The following MTCL1 variants were observed in gnomAD, a reference collection of about 807,000 sequenced individuals.
MTCL1 encodes the protein microtubule cross-linking factor 1.
MTCL1 carries 79 observed loss-of-function variants against 141.4 expected under a neutral mutation model. The observed-to-expected ratio is 0.56, with a 90% CI of 0.47 to 0.67. The LOEUF (loss-of-function observed/expected upper bound fraction) is 0.67. Ranked by LOEUF, MTCL1 falls within the 30% of genes least tolerant of loss-of-function variation. The pLI is 0.00. For missense variants in MTCL1, 2,177 were observed against 2,113.9 expected (o/e 1.03, Z -0.59); for synonymous variants, 914 against 875.8 (o/e 1.04, Z -0.77).
Position 8,705,760 on chromosome 18 carries a change from G to T in MTCL1, c.100G>T (p.Glu34Ter). The change falls in exon 1 of 14, where the codon GAA (glutamate) becomes TAA (stop). Residue 34 changes from glutamate (E) to a stop codon, truncating the protein, a stop_gained. Transcript: ENST00000306329. LOFTEE classifies it high-confidence loss of function. This position sits in a 1 kb window ranked among gnomAD's most constrained non-coding sequence, Gnocchi z 5.2. The stretch of plus-strand genomic sequence containing the variant: ...CCACCACCACCTCCACCCGGTGGCC[G>T]AAAGGCGGCGGCTGCACCGTGCGCC... 8.3e-7 allele frequency: 1 copy of T among 1,202,128 alleles called. No individual in the cohort carries two copies. Among genetic ancestry groups the T allele is most frequent in the Non-Finnish European group, 1.0e-6 (1 of 968,392 alleles). The allele number at this position is 1,202,128 out of a possible 1,614,324, so 74.5% of individuals were successfully genotyped here. A position where few individuals can be genotyped will look rare whatever the true frequency, so the allele number is the denominator to read the frequency against.
chr18:8,761,726 CAAGAG>C (rs573911895), intron 4 of MTCL1, among the ~76,000 whole-genome samples: 149 of 152,292 alleles, frequency 9.8e-4, no homozygotes, highest in African/African-American at 3.3e-3. Flanking sequence ...TGGCGGCAGA[CAAGAG>C]AAGAGAGCTT....
chr18:8,719,781 G>A (rs548269376), intron 3 of MTCL1, among the ~76,000 whole-genome samples: 72 of 152,160 alleles, frequency 4.7e-4, no homozygotes, highest in African/African-American at 1.7e-3. Flanking sequence ...TGTTTCCCAG[G>A]CTGGTCTCAA....
chr18:8,796,551 C>A, intron 9 of MTCL1, 89 bp downstream of exon 8: 1 of 1,245,190 alleles, frequency 8.0e-7, no homozygotes, highest in South Asian at 1.4e-5. Context: ...TACACACAGT[C>A]ATGTTCTATT....
At chr18:8,726,488 A>C (rs2096213370) in intron 4 of MTCL1, among the ~76,000 whole-genome samples, 2 of 113,994 alleles carry the variant, frequency 1.8e-5, no homozygotes, top group South Asian at 2.6e-4. Flanking sequence ...AGAGAGAGAG[A>C]GAGAGAGCGC....
At chr18:8,785,854 C>T (rs768614450) in intron 6 of MTCL1, 82 bp from the exon 6 acceptor site, 3 of 1,499,406 alleles carry the variant, frequency 2.0e-6, no homozygotes, top group South Asian at 1.4e-5. Context: ...TCCCTGCCTC[C>T]ACCCTTGTCC....
At chr18:8,776,254 C>G (rs1013301100) in intron 4 of MTCL1, among the ~76,000 whole-genome samples, 3 of 152,344 alleles carry the variant, frequency 2.0e-5, no homozygotes, top group African/African-American at 7.2e-5. Flanking sequence ...CGGCAGAGCT[C>G]TGCTTCCCCA....
At chr18:8,786,639 C>A in intron 7 of MTCL1, 2 of 306,960 alleles carry the variant, frequency 6.5e-6, no homozygotes, top group South Asian at 6.1e-5. Context: ...AGGCTTCAGC[C>A]ACCACAGAGA....
At chr18:8,742,659 G>C (rs2096311168) in intron 4 of MTCL1, among the ~76,000 whole-genome samples, 1 of 152,196 alleles carries the variant, frequency 6.6e-6, no homozygotes, top group Non-Finnish European at 1.5e-5. Flanking sequence ...TGAGGTTTGG[G>C]TGGGGACACA....
rs552538403 is a variant in MTCL1, at chr18:8,783,395, A to C, written c.418-135A>C. On this transcript the variant is annotated intron_variant, in intron 5 of 16. Coordinates refer to ENST00000359865, the Ensembl canonical transcript of MTCL1. ...TTTGTCTTGGCTGTTTCTCTATGTA[A>C]CTCAGCGGCACCGATGGGAAGATCG... The C allele has an allele frequency of 3.5e-6, 3 of 850,092 alleles. No homozygotes were observed. In the Admixed American group the frequency reaches 8.6e-5, roughly 24 times the overall value. 52.7% of individuals were successfully genotyped at this position (850,092 alleles called of 1,614,324 possible). A position where few individuals can be genotyped will look rare whatever the true frequency, so the allele number is the denominator to read the frequency against.
chr18:8,769,280 G>A (rs2096474512), intron 4 of MTCL1, among the ~76,000 whole-genome samples: 1 of 152,194 alleles, frequency 6.6e-6, no homozygotes, highest in South Asian at 2.1e-4. Flanking sequence ...CAGCATGGAT[G>A]TGCACAGAGT....
intron 4 of MTCL1, among the ~76,000 whole-genome samples, chr18:8,756,218 C>A (rs920183041): frequency 6.6e-6 from 1 of 152,116 alleles, no homozygotes; most frequent in Non-Finnish European, 1.5e-5. Flanking sequence ...TTCTGGAGGT[C>A]GTCAGACCAT....
Position 8,739,661 on chromosome 18 carries a change from G to C in MTCL1, c.357+19165G>C, listed in dbSNP as rs549854549. 2.6e-5 allele frequency among the ~76,000 whole-genome samples: 4 copies of C among 152,280 alleles called. No homozygotes were observed. In the South Asian group the frequency reaches 6.2e-4, roughly 24 times the overall value. ...CTGCTCAAAGGGGAGGTCTGTGTGTGGGTTTTAGTACTGATACCAAGAGGG... is the reference window on the plus strand; with the variant it reads ...CTGCTCAAAGGGGAGGTCTGTGTGTCGGTTTTAGTACTGATACCAAGAGGG... On this transcript the variant is annotated intron_variant, in intron 4 of 16. Coordinates refer to ENST00000359865, the Ensembl canonical transcript of MTCL1.
At chr18:8,729,284 G>A (rs767977588) in intron 4 of MTCL1, among the ~76,000 whole-genome samples, 18 of 151,128 alleles carry the variant, frequency 1.2e-4, no homozygotes, top group Non-Finnish European at 2.7e-4. Context: ...TCAAACTCCT[G>A]GCCTCAAGGG....
rs1029849409 is a variant in MTCL1, at chr18:8,828,803, C to T, written c.4723-105C>T. 5.7e-6 allele frequency: 9 copies of T among 1,567,802 alleles called. No individual in the cohort carries two copies. The highest frequency in any genetic ancestry group is 7.8e-6 in the Non-Finnish European group (9 of 1,157,686). On this transcript the variant is annotated intron_variant, in intron 15 of 16. Coordinates refer to ENST00000359865, the Ensembl canonical transcript of MTCL1. The surrounding 1 kb of genome is among the most constrained non-coding windows in gnomAD (Gnocchi z 5.2). ...CTACCCCTGAGCGAGAGGGATGGTC[C>T]TCTACCTCCGGGCTTGCTGACTTTA...
In MTCL1 at chr18:8,717,929, G is replaced by A. The variant is rs1029324898; in HGVS notation, c.-61G>A. 17 of 997,720 alleles carry A rather than the reference G, an allele frequency of 1.7e-5. No homozygotes were observed. In the African/African-American group the frequency reaches 2.1e-4, roughly 12 times the overall value. 61.8% of individuals were successfully genotyped at this position (997,720 alleles called of 1,614,324 possible). ...CGTCGCTTAGTCAATGCTGAGATGCGTCTTGTGGAACAGAATTTTTGGGAC... is the reference window on the plus strand; with the variant it reads ...CGTCGCTTAGTCAATGCTGAGATGCATCTTGTGGAACAGAATTTTTGGGAC... On this transcript the variant is annotated 5_prime_UTR_variant, in exon 2 of 17. Coordinates refer to ENST00000359865, the Ensembl canonical transcript of MTCL1.
At chr18:8,725,790 C>CTTTTTTTTTTTTTTTTTTTTTTTTTTTTT (rs796484848) in intron 4 of MTCL1, among the ~76,000 whole-genome samples, 1 of 61,070 alleles carries the variant, frequency 1.6e-5, no homozygotes, top group African/African-American at 8.1e-5. Context: ...TTTTTTTTTT[C>CTTTTTTTTTTTTTTTTTTTTTTTTTTTTT]TTTTTTTTTT....
chr18:8,751,235 CGACATGTTTG>C (rs1567976956), intron 4 of MTCL1, among the ~76,000 whole-genome samples: 1 of 152,168 alleles, frequency 6.6e-6, no homozygotes, highest in South Asian at 2.1e-4. Context: ...GTAGAATTTT[CGACATGTTTG>C]GACATAGCTT....
chr18:8,786,188 G>A lies in MTCL1; in HGVS notation c.1887+97G>A, dbSNP rs1372281373. 8 of 1,357,080 alleles carry A rather than the reference G, an allele frequency of 5.9e-6. No individual in the cohort carries two copies. In the South Asian group the frequency reaches 9.9e-5, roughly 17 times the overall value. 84.1% of individuals were successfully genotyped at this position (1,357,080 alleles called of 1,614,324 possible). On this transcript the variant is annotated intron_variant, in intron 7 of 16. Transcript: ENST00000359865. The stretch of plus-strand genomic sequence containing the variant: ...TTTCTGTCCCGGACGAGGCCCTGAG[G>A]GAACATGGCAGGAGGAGGTGGAACT...
intron 7 of MTCL1, among the ~76,000 whole-genome samples, chr18:8,790,394 A>G (rs566282118): frequency 6.6e-6 from 1 of 152,374 alleles, no homozygotes; most frequent in African/African-American, 2.4e-5. Context: ...TTTGGCTAGC[A>G]CCTAATGCAT....
Sources: allele counts gnomAD v4.1 joint callset (sites outside exome capture counted in the v4.1 genomes callset), GRCh38; gene constraint gnomAD v4.1.1; non-coding constraint Gnocchi (gnomAD v3.1); transcripts MANE v1.5; gene names NCBI Gene and HGNC (gene_info 2026-07-23, HGNC 2026-07-21).